Variants in PLA2G10 observed in about 807,000 individuals in gnomAD.
PLA2G10 encodes the protein group 10 secretory phospholipase A2.
Under a neutral mutation model 7.9 loss-of-function variants are expected in PLA2G10, and 9 were observed. The observed-to-expected ratio is 1.14, with a 90% CI of 0.68 to 1.98. PLA2G10 has a LOEUF of 1.98. Ranked by LOEUF, PLA2G10 falls within the 30% of genes most tolerant of loss-of-function variation. The probability of loss-of-function intolerance (pLI) is 0.00; values close to 1 mark genes in which losing one functional copy is unlikely to be tolerated. For synonymous variants in PLA2G10, 19 were observed against 27.5 expected (o/e 0.69, Z 0.97); for missense variants, 53 against 65.4 (o/e 0.81, Z 0.66).
At chr16:14,673,187 T>A (rs1362383779) in intron 3 of PLA2G10, among the ~76,000 whole-genome samples, 2 of 150,388 alleles carry the variant, frequency 1.3e-5, no homozygotes, top group African/African-American at 2.4e-5. Flanking sequence ...ACCGAGCTAA[T>A]TTTTTTTGTA....
At chr16:14,679,299 TGA>T (rs2151850784) in intron 3 of PLA2G10, among the ~76,000 whole-genome samples, 1 of 152,134 alleles carries the variant, frequency 6.6e-6, no homozygotes, top group East Asian at 1.9e-4. Context: ...TTTGGGAGGC[TGA>T]GTCAGAAGGA....
At chr16:14,682,141 C>T (rs1312877514) in intron 3 of PLA2G10, among the ~76,000 whole-genome samples, 3 of 151,972 alleles carry the variant, frequency 2.0e-5, no homozygotes, top group African/African-American at 7.3e-5. Flanking sequence ...CCAGTTTCCC[C>T]AACTCTAAAT....
At chr16:14,682,174 G>T (rs1353416914) in intron 3 of PLA2G10, among the ~76,000 whole-genome samples, 2 of 152,098 alleles carry the variant, frequency 1.3e-5, no homozygotes, top group African/African-American at 4.8e-5. Context: ...TGAGATGATA[G>T]ATACCTGGGG....
chr16:14,674,709 A>AAT (rs1960680846), intron 3 of PLA2G10, among the ~76,000 whole-genome samples: 1 of 152,006 alleles, frequency 6.6e-6, no homozygotes, highest in Non-Finnish European at 1.5e-5. Flanking sequence ...AAAAAAAAAA[A>AAT]GAAAAGAAGA....
chr16:14,673,763 ACCC>A (rs1960652909), intron 3 of PLA2G10, among the ~76,000 whole-genome samples: 4 of 152,080 alleles, frequency 2.6e-5, no homozygotes, highest in Non-Finnish European at 5.9e-5. Flanking sequence ...TAGATGACAA[ACCC>A]ATAGCCCACA....
At chr16:14,678,926 C>G (rs1424235574) in intron 3 of PLA2G10, among the ~76,000 whole-genome samples, 1 of 152,116 alleles carries the variant, frequency 6.6e-6, no homozygotes, top group Admixed American at 6.6e-5. Context: ...GGACTCTGCT[C>G]CAGCCTCACC....
intron 3 of PLA2G10, among the ~76,000 whole-genome samples, chr16:14,677,889 GGATGGATA>G (rs1228549440): frequency 3.0e-5 from 4 of 134,410 alleles, no homozygotes; most frequent in African/African-American, 7.6e-5. Flanking sequence ...ATGGATGGAT[GGATGGATA>G]GATGGAAGAA....
In PLA2G10 at chr16:14,672,765, A is replaced by C. The variant is rs1464364329; in HGVS notation, c.356-16T>G. ...TCTGCCGGTCCTGGAAGAAGTGGGG[A>C]AACTGAGATTAGAGCAGGGACCTGG... is the stretch of plus-strand genomic sequence containing the variant. On this transcript the variant is annotated splice_polypyrimidine_tract_variant and intron_variant, in intron 3 of 3. Transcript: ENST00000438167. 3.1e-6 allele frequency: 5 copies of C among 1,613,398 alleles called. No individual in the cohort carries two copies. The highest frequency in any genetic ancestry group is 4.2e-6 in the Non-Finnish European group (5 of 1,179,710).
intron 3 of PLA2G10, among the ~76,000 whole-genome samples, chr16:14,685,290 T>C (rs1056424686): frequency 6.6e-6 from 1 of 151,114 alleles, no homozygotes; most frequent in Non-Finnish European, 1.5e-5. Context: ...GAGAATCGCT[T>C]GAACCCGGGA....
At chr16:14,674,006 C>T (rs1164779397) in intron 3 of PLA2G10, among the ~76,000 whole-genome samples, 3 of 152,114 alleles carry the variant, frequency 2.0e-5, no homozygotes, top group African/African-American at 7.2e-5. Flanking sequence ...CTCCAAAAGA[C>T]TCCTAGATTT....
Position 14,675,364 on chromosome 16 carries a change from A to C in PLA2G10, c.356-2615T>G, listed in dbSNP as rs140599560. Among the ~76,000 whole-genome samples the C allele has an allele frequency of 1.6e-3, 246 of 152,268 alleles. 2 individuals are homozygous for C. The highest frequency in any genetic ancestry group is 5.7e-3 in the African/African-American group (237 of 41,568). Reference sequence around the variant, plus strand: ...CTTAAATCTAAGACCTGAAACCATAAGAATTCTAGAAGAAAACCTTGGAAA... The same window carrying C: ...CTTAAATCTAAGACCTGAAACCATACGAATTCTAGAAGAAAACCTTGGAAA... On this transcript the variant is annotated intron_variant, in intron 3 of 3. Transcript: ENST00000438167.
At chr16:14,673,423 G>A (rs553273173) in intron 3 of PLA2G10, among the ~76,000 whole-genome samples, 1 of 152,126 alleles carries the variant, frequency 6.6e-6, no homozygotes, top group South Asian at 2.1e-4. Context: ...CCAGGCTGGA[G>A]TGTAGTGGCA....
chr16:14,675,736 C>G (rs1014005973), intron 3 of PLA2G10, among the ~76,000 whole-genome samples: 1 of 151,546 alleles, frequency 6.6e-6, no homozygotes, highest in African/African-American at 2.4e-5. Flanking sequence ...GTCAGGAGTT[C>G]GAGACCAGCC....
At chr16:14,679,599 G>T (rs1390963258) in intron 3 of PLA2G10, among the ~76,000 whole-genome samples, 1 of 151,190 alleles carries the variant, frequency 6.6e-6, no homozygotes, top group South Asian at 2.1e-4. Context: ...GACGGAGGTT[G>T]CAGTGAGCCG....
intron 3 of PLA2G10, among the ~76,000 whole-genome samples, chr16:14,674,781 C>G (rs1960682512): frequency 6.6e-6 from 1 of 151,742 alleles, no homozygotes; most frequent in African/African-American, 2.4e-5. Context: ...GTAACCAAAA[C>G]AGCATGGTAC....
chr16:14,686,827 C>G (rs1447918502), intron 3 of PLA2G10, among the ~76,000 whole-genome samples: 1 of 152,108 alleles, frequency 6.6e-6, no homozygotes, highest in Non-Finnish European at 1.5e-5. Flanking sequence ...ATACCACGGC[C>G]AGATGCAGTG....
chr16:14,672,796 C>T, intron 3 of PLA2G10, 47 bp from the exon 4 acceptor site: 1 of 1,591,606 alleles, frequency 6.3e-7, no homozygotes, highest in African/African-American at 1.3e-5. Flanking sequence ...CCTGGAGAGA[C>T]TCAAGGGAAA....
intron 3 of PLA2G10, among the ~76,000 whole-genome samples, chr16:14,673,750 T>G (rs1375878574): frequency 6.6e-6 from 1 of 152,018 alleles, no homozygotes; most frequent in East Asian, 1.9e-4. Context: ...ATAATAAAAG[T>G]GATAGATGAC....
rs1401251016 is a variant in PLA2G10 at position 14,687,995 on chromosome 16, AC to A, written c.355+169del. On this transcript the variant is annotated intron_variant, in intron 3 of 3. Transcript: ENST00000438167. The stretch of plus-strand genomic sequence containing the variant: ...GCCTGGGTGACAGAGCGAGACTCTG[AC>A]TCAAAAAATAAATAAAATAAATATC... 6.0e-5 allele frequency among the ~76,000 whole-genome samples: 9 copies of A among 150,732 alleles called. No individual in the cohort carries two copies. The South Asian group carries it at 1.9e-3, about 32-fold the overall frequency.
Sources: allele counts gnomAD v4.1 joint callset (sites outside exome capture counted in the v4.1 genomes callset), GRCh38; gene constraint gnomAD v4.1.1; transcripts MANE v1.5; gene names NCBI Gene and HGNC (gene_info 2026-07-23, HGNC 2026-07-21).